ANKRD11: variants seen among roughly 807,000 people sequenced by gnomAD.
The protein encoded by ANKRD11 is ankyrin repeat domain-containing protein 11.
A neutral mutation model predicts 195.7 loss-of-function variants in ANKRD11; 17 were observed. The ratio of observed to expected loss-of-function variants is 0.09; its 90% CI spans 0.06 to 0.13. The LOEUF (loss-of-function observed/expected upper bound fraction) is 0.13, where lower values mean the gene tolerates loss of function less well. ANKRD11 is among the 10% of genes least tolerant of loss of function. The probability of loss-of-function intolerance (pLI) is 1.00; values close to 1 mark genes in which losing one functional copy is unlikely to be tolerated. For missense variants in ANKRD11, 3,735 were observed against 3,566.1 expected (o/e 1.05, Z -1.21); for synonymous variants, 1,953 against 1,528.1 (o/e 1.28, Z -6.49).
chr16:89,280,968 C>T lies in ANKRD11; in HGVS notation c.5574G>A (p.Pro1858=), dbSNP rs775649989. 1.9e-6 allele frequency: 3 copies of T among 1,570,412 alleles called. No individual in the cohort carries two copies. Among genetic ancestry groups the T allele is most frequent in the South Asian group, 2.3e-5 (2 of 85,144 alleles). The change falls in exon 9 of 13, where the codon CCG becomes CCA. Residue 1858 remains proline (P), a synonymous_variant. Coordinates refer to ENST00000301030, the MANE Select transcript of ANKRD11 (RefSeq NM_013275.6). The part of the protein sequence containing the change: ...PGYYSPDYGL[P]SPKVDALHCP... Reference sequence around the variant, plus strand: ...AGTGCAAAGCGTCGACTTTGGGCGACGGGAGGCCATAGTCTGGGGAGTAGT... The same window carrying T: ...AGTGCAAAGCGTCGACTTTGGGCGATGGGAGGCCATAGTCTGGGGAGTAGT...
chr16:89,485,873 C>T (rs1382713067), intron 1 of ANKRD11, among the ~76,000 whole-genome samples: 1 of 152,176 alleles, frequency 6.6e-6, no homozygotes, highest in Non-Finnish European at 1.5e-5. Context: ...ACACTTAATC[C>T]TCATAAGCAG....
chr16:89,360,273 T>TTA (rs1423247833), intron 2 of ANKRD11, among the ~76,000 whole-genome samples: 1 of 152,212 alleles, frequency 6.6e-6, no homozygotes, highest in African/African-American at 2.4e-5. Flanking sequence ...TTATCTTATT[T>TTA]TGTATTAGGG....
intron 6 of ANKRD11, 85 bp downstream of exon 6, chr16:89,290,520 GGGGGGAGGCTCAGGGCTCCA>G: frequency 1.3e-6 from 1 of 798,404 alleles, no homozygotes; most frequent in Non-Finnish European, 1.9e-6. Context: ...GGGCTCCAAT[GGGGGGAGGCTCAGGGCTCCA>G]ATGGGGGGAG....
intron 2 of ANKRD11, chr16:89,324,116 C>T (rs2037540129): frequency 3.1e-6 from 2 of 643,074 alleles, no homozygotes; most frequent in Non-Finnish European, 4.3e-6. Context: ...TCCCAAAGTG[C>T]CCCACGGCAC....
intron 2 of ANKRD11, among the ~76,000 whole-genome samples, chr16:89,368,133 A>G (rs111460975): frequency 0.077 from 11,705 of 152,232 alleles, 647 homozygotes; most frequent in Non-Finnish European, 0.13. Context: ...GGTTTAAAAA[A>G]TAAGTCCTAC....
intron 1 of ANKRD11, among the ~76,000 whole-genome samples, chr16:89,433,307 G>A (rs534866086): frequency 1.1e-4 from 17 of 152,300 alleles, no homozygotes; most frequent in Admixed American, 7.8e-4. Context: ...CTTTCAGTCT[G>A]CTAACCTACA....
intron 1 of ANKRD11, among the ~76,000 whole-genome samples, chr16:89,424,336 G>A (rs2042631960): frequency 6.6e-6 from 1 of 151,908 alleles, no homozygotes; most frequent in Non-Finnish European, 1.5e-5. Context: ...AGCTACTCGG[G>A]AGACTGAAGC....
At chr16:89,271,694 C>T (rs560234422) in intron 11 of ANKRD11, 57 of 152,644 alleles carry the variant, frequency 3.7e-4, no homozygotes, top group Non-Finnish European at 6.1e-4. Context: ...GGCTACGCAT[C>T]GCAGAAGAGT....
At chr16:89,404,384 T>C (rs943300768) in intron 2 of ANKRD11, among the ~76,000 whole-genome samples, 1 of 152,198 alleles carries the variant, frequency 6.6e-6, no homozygotes, top group Non-Finnish European at 1.5e-5. Context: ...AAAATTGCCT[T>C]CACTGAAAAC....
At chr16:89,437,557 AG>A (rs2043267731) in intron 1 of ANKRD11, among the ~76,000 whole-genome samples, 1 of 152,166 alleles carries the variant, frequency 6.6e-6, no homozygotes, top group Non-Finnish European at 1.5e-5. Flanking sequence ...CTCCAGAGAC[AG>A]TCCTCCAGAG....
chr16:89,329,958 C>A (rs1238871084), intron 2 of ANKRD11, among the ~76,000 whole-genome samples: 2 of 150,306 alleles, frequency 1.3e-5, no homozygotes, highest in Non-Finnish European at 2.9e-5. Flanking sequence ...CCACTGCACT[C>A]CAGCCTGGGC....
At chr16:89,317,193 C>A in intron 2 of ANKRD11, 115 bp from the exon 3 acceptor site, 1 of 808,302 alleles carries the variant, frequency 1.2e-6, no homozygotes, top group Non-Finnish European at 2.1e-6. Context: ...CTGCTCTGAT[C>A]AGGGCTGGGG....
Position 89,285,959 on chromosome 16 carries a change from G to T in ANKRD11, c.892+80C>A. ...ATCCGAGGAGGAGCTGATCAGAGGG[G>T]CAACACTGTGCAAACACCACAGGGC... On this transcript the variant is annotated intron_variant, in intron 8 of 12. Coordinates refer to ENST00000301030, the MANE Select transcript of ANKRD11 (RefSeq NM_013275.6). The surrounding 1 kb of genome is among the most constrained non-coding windows in gnomAD (Gnocchi z 5.6). 6.2e-7 allele frequency: 1 copy of T among 1,604,496 alleles called. No individual in the cohort carries two copies.
rs35809345 is a variant in ANKRD11, at chr16:89,424,441, C to CAA, written c.-144-6075_-144-6074dup. ...GGGTGACAAGAGCAAAACTCTGTCTCAAAAAAAAAAAAGAGAGAGAAAGAA... is the reference window on the plus strand; with the variant it reads ...GGGTGACAAGAGCAAAACTCTGTCTCAAAAAAAAAAAAAAGAGAGAGAAAGAA... On this transcript the variant is annotated intron_variant, in intron 1 of 12. Coordinates refer to ENST00000301030, the MANE Select transcript of ANKRD11 (RefSeq NM_013275.6). Among the ~76,000 whole-genome samples, 194 of 142,410 alleles carry CAA rather than the reference C, an allele frequency of 1.4e-3. 1 individual carries two copies. The highest frequency in any genetic ancestry group is 3.4e-3 in the Admixed American group (49 of 14,356). 93.4% of individuals were successfully genotyped at this position (142,410 alleles called of 152,430 possible).
chr16:89,269,869 T>C (rs1294349756), intron 12 of ANKRD11: 2 of 152,228 alleles, frequency 1.3e-5, no homozygotes, highest in Admixed American at 6.5e-5. Context: ...GTGCTGGGAT[T>C]ACAGGTGTGA....
chr16:89,381,060 G>C (rs76743988), intron 2 of ANKRD11, among the ~76,000 whole-genome samples: 1 of 152,144 alleles, frequency 6.6e-6, no homozygotes, highest in Non-Finnish European at 1.5e-5. Context: ...AGGTGGCTCA[G>C]GCCTGTCATC....
Position 89,285,532 on chromosome 16 carries a change from T to C in ANKRD11, c.1010A>G (p.Gln337Arg), listed in dbSNP as rs751042485. ...GTCCTTGACGGGGGCCGTGGCCTTC[T>C]GTGGCTCTGGGTTCTTGGCCTTGTG... is the stretch of plus-strand genomic sequence containing the variant. ...LKHKAKNPEP[Q>R]KATAPVKDEY... The change falls in exon 9 of 13, where the codon CAG becomes CGG. Residue 337 changes from glutamine (Q) to arginine (R), a missense_variant. By Grantham distance (43) the Gln-to-Arg change is conservative (BLOSUM62 1). Transcript: ENST00000301030. The surrounding 1 kb of genome is among the most constrained non-coding windows in gnomAD (Gnocchi z 5.6). 5.0e-6 allele frequency: 8 copies of C among 1,614,058 alleles called. No homozygotes were observed. Among genetic ancestry groups the C allele is most frequent in the South Asian group, 1.1e-5 (1 of 91,084 alleles).
rs869142504 is a variant in ANKRD11 at position 89,334,144 on chromosome 16, TAAAAAA to T, written c.-59-17072_-59-17067del. ...GGTAACATGATGAAACCCTGTGTTT[TAAAAAA>T]AAAAAAAAAAAAAAAAAAAAAAACA... is the stretch of plus-strand genomic sequence containing the variant. On this transcript the variant is annotated intron_variant, in intron 2 of 12. Coordinates refer to ENST00000301030, the MANE Select transcript of ANKRD11 (RefSeq NM_013275.6). Among the ~76,000 whole-genome samples the T allele has an allele frequency of 1.7e-3, 69 of 41,418 alleles. 1 individual carries two copies. Among genetic ancestry groups the T allele is most frequent in the African/African-American group, 6.2e-3 (65 of 10,450 alleles). 27.2% of individuals were successfully genotyped at this position (41,418 alleles called of 152,430 possible).
chr16:89,361,561 T>C (rs1038362438), intron 2 of ANKRD11: 1 of 152,244 alleles, frequency 6.6e-6, no homozygotes, highest in Non-Finnish European at 1.5e-5. Context: ...CAGAGGAACA[T>C]CCGCATCACC....
Sources: allele counts gnomAD v4.1 joint callset (sites outside exome capture counted in the v4.1 genomes callset), GRCh38; gene constraint gnomAD v4.1.1; non-coding constraint Gnocchi (gnomAD v3.1); transcripts MANE v1.5; gene names NCBI Gene and HGNC (gene_info 2026-07-23, HGNC 2026-07-21).